Variants in SUPT3H observed in about 807,000 individuals in gnomAD.
SUPT3H encodes the protein transcription initiation protein SPT3 homolog.
SUPT3H carries 44 observed loss-of-function variants against 44.3 expected under a neutral mutation model. The ratio of observed to expected loss-of-function variants is 0.99; its 90% CI spans 0.78 to 1.28. SUPT3H has a LOEUF of 1.28. SUPT3H is among the 50% of genes most tolerant of loss of function. The pLI, the probability that SUPT3H is intolerant of heterozygous loss-of-function variation, is 0.00. For missense variants in SUPT3H, 380 were observed against 387.1 expected, an observed-to-expected ratio of 0.98 and a Z score of 0.15; for synonymous variants, 124 against 125.6, an observed-to-expected ratio of 0.99 and a Z score of 0.09.
chr6:44,898,906 A>C (rs1225000580), intron 10 of SUPT3H: 3 of 152,246 alleles, frequency 2.0e-5, no homozygotes, highest in African/African-American at 4.8e-5. Flanking sequence ...ATCAGAGGCA[A>C]CTGACAGTTT....
chr6:45,239,583 T>C (rs906793383), intron 2 of SUPT3H, among the ~76,000 whole-genome samples: 4 of 152,234 alleles, frequency 2.6e-5, no homozygotes, highest in African/African-American at 9.6e-5. Context: ...GACTAGCTTG[T>C]GTACGTGTAT....
chr6:44,889,074 T>A (rs1325580333), intron 10 of SUPT3H, among the ~76,000 whole-genome samples: 1 of 151,326 alleles, frequency 6.6e-6, no homozygotes, highest in African/African-American at 2.4e-5. Flanking sequence ...GTGAAGGACC[T>A]CTTCAAGGAG....
chr6:44,857,341 T>C (rs1031602514), intron 10 of SUPT3H, among the ~76,000 whole-genome samples: 5 of 152,166 alleles, frequency 3.3e-5, no homozygotes, highest in Admixed American at 1.3e-4. Context: ...TAAGCTCGTA[T>C]GGGTTTGTGA....
At chr6:45,226,568 A>G (rs1766975974) in intron 2 of SUPT3H, among the ~76,000 whole-genome samples, 1 of 152,090 alleles carries the variant, frequency 6.6e-6, no homozygotes. Context: ...TCTTTTTGAG[A>G]CGGAGTCTTG....
At chr6:44,906,882 G>A in intron 10 of SUPT3H, among the ~76,000 whole-genome samples, 1 of 152,164 alleles carries the variant, frequency 6.6e-6, no homozygotes, top group East Asian at 1.9e-4. Context: ...AAATGCATTA[G>A]TACTTTTCCT....
chr6:45,036,438 G>T (rs1787687628), intron 3 of SUPT3H, among the ~76,000 whole-genome samples: 1 of 152,000 alleles, frequency 6.6e-6, no homozygotes, highest in South Asian at 2.1e-4. Context: ...TGGGGTGGGG[G>T]ACATGTCATG....
At chr6:44,996,725 T>C (rs1472245026) in intron 6 of SUPT3H, among the ~76,000 whole-genome samples, 1 of 151,904 alleles carries the variant, frequency 6.6e-6, no homozygotes. Context: ...TCTCAAAAGC[T>C]TTGAAACAAA....
intron 2 of SUPT3H, among the ~76,000 whole-genome samples, chr6:45,268,536 C>T (rs953737703): frequency 8.5e-5 from 13 of 152,134 alleles, no homozygotes; most frequent in Non-Finnish European, 1.6e-4. Context: ...TTCTTATATA[C>T]ATCAACTGAC....
chr6:45,301,091 G>A (rs1395375880), intron 2 of SUPT3H, among the ~76,000 whole-genome samples: 1 of 152,086 alleles, frequency 6.6e-6, no homozygotes, highest in East Asian at 1.9e-4. Context: ...AGATCTCTGG[G>A]GTTTCTGGGC....
At chr6:45,192,067 C>A (rs1040607473) in intron 2 of SUPT3H, among the ~76,000 whole-genome samples, 1 of 152,124 alleles carries the variant, frequency 6.6e-6, no homozygotes, top group Admixed American at 6.5e-5. Flanking sequence ...ACTGAAAGCT[C>A]TGCCACAGAA....
intron 2 of SUPT3H, among the ~76,000 whole-genome samples, chr6:45,282,302 G>GT (rs1385348206): frequency 2.0e-5 from 3 of 147,882 alleles, no homozygotes; most frequent in Admixed American, 6.9e-5. Flanking sequence ...GCTAAAGGAG[G>GT]TTCGAACGCT....
intron 2 of SUPT3H, among the ~76,000 whole-genome samples, chr6:45,342,114 G>C (rs1366344673): frequency 6.6e-6 from 1 of 152,112 alleles, no homozygotes; most frequent in Admixed American, 6.6e-5. Flanking sequence ...TAAGGAAAAT[G>C]AGACTGCCAC....
At chr6:44,913,889 CATGTGTA>C (rs1562033864) in intron 10 of SUPT3H, among the ~76,000 whole-genome samples, 1 of 152,112 alleles carries the variant, frequency 6.6e-6, no homozygotes, top group Non-Finnish European at 1.5e-5. Flanking sequence ...CATATAGTTT[CATGTGTA>C]ACTTGTGATT....
chr6:44,950,148 T>A (rs1264747533), intron 9 of SUPT3H, among the ~76,000 whole-genome samples: 1 of 152,260 alleles, frequency 6.6e-6, no homozygotes, highest in Admixed American at 6.5e-5. Flanking sequence ...CTCTTCTCTT[T>A]AATGGTCAAA....
intron 7 of SUPT3H, among the ~76,000 whole-genome samples, chr6:44,956,527 C>T (rs1197176973): frequency 7.2e-6 from 1 of 139,402 alleles, no homozygotes; most frequent in Non-Finnish European, 1.5e-5. Context: ...TGTCTATTAC[C>T]AGAATGGCTC....
chr6:45,223,065 G>C (rs1040856030), intron 2 of SUPT3H, among the ~76,000 whole-genome samples: 1 of 151,878 alleles, frequency 6.6e-6, no homozygotes, highest in Non-Finnish European at 1.5e-5. Flanking sequence ...AGAAGAGTTG[G>C]TGGAGGCTAT....
chr6:45,161,284 C>G (rs552872519), intron 2 of SUPT3H, among the ~76,000 whole-genome samples: 3 of 152,092 alleles, frequency 2.0e-5, no homozygotes, highest in Non-Finnish European at 2.9e-5. Flanking sequence ...CTGATGAACT[C>G]TTGTGTCCAG....
intron 3 of SUPT3H, among the ~76,000 whole-genome samples, chr6:45,065,341 G>A (rs1793070717): frequency 7.4e-6 from 1 of 135,220 alleles, no homozygotes; most frequent in African/African-American, 2.8e-5. Flanking sequence ...AGCACTAAAT[G>A]CCCACAAGAG....
chr6:44,820,896 G>T (rs1767260577), intron 11 of SUPT3H, among the ~76,000 whole-genome samples: 1 of 152,202 alleles, frequency 6.6e-6, no homozygotes, highest in Non-Finnish European at 1.5e-5. Context: ...TGTTGCCCAG[G>T]TTGGAGTGCA....
Sources: gnomAD v4.1 joint callset for allele counts (sites outside exome capture counted in the v4.1 genomes callset) on GRCh38, gnomAD v4.1.1 for gene constraint, MANE v1.5 for transcripts, NCBI Gene and HGNC (gene_info 2026-07-23, HGNC 2026-07-21) for gene names.